Variants in KCNIP4 observed in about 807,000 individuals in gnomAD.
The protein encoded by KCNIP4 is Kv channel-interacting protein 4.
KCNIP4 carries 12 observed loss-of-function variants against 34.0 expected under a neutral mutation model. The observed-to-expected ratio is 0.35, with a 90% CI of 0.23 to 0.57. The LOEUF (loss-of-function observed/expected upper bound fraction) is 0.57, where lower values mean the gene tolerates loss of function less well. Ranked by LOEUF, KCNIP4 falls within the 20% of genes least tolerant of loss-of-function variation. The pLI is 0.83. For synonymous variants in KCNIP4, 124 were observed against 102.2 expected, an observed-to-expected ratio of 1.21 and a Z score of -1.29; for missense variants, 238 against 311.7, an observed-to-expected ratio of 0.76 and a Z score of 1.78.
intron 1 of KCNIP4, among the ~76,000 whole-genome samples, chr4:21,095,525 A>G (rs1461233857): frequency 6.6e-6 from 1 of 152,224 alleles, no homozygotes; most frequent in Non-Finnish European, 1.5e-5. Context: ...GTAGAATTCA[A>G]TAAAATTAGT....
chr4:21,395,928 C>T (rs1288928177), intron 1 of KCNIP4, among the ~76,000 whole-genome samples: 1 of 151,986 alleles, frequency 6.6e-6, no homozygotes, highest in South Asian at 2.1e-4. Context: ...AAATTGATCT[C>T]AAATAGAAAA....
chr4:21,397,239 A>T (rs147832907), intron 1 of KCNIP4, among the ~76,000 whole-genome samples: 1 of 152,362 alleles, frequency 6.6e-6, no homozygotes, highest in African/African-American at 2.4e-5. Flanking sequence ...GCAAGGTGAC[A>T]AATTCTGGAA....
chr4:21,306,275 C>T (rs1056778304), intron 1 of KCNIP4, among the ~76,000 whole-genome samples: 2 of 152,212 alleles, frequency 1.3e-5, no homozygotes, highest in South Asian at 2.1e-4. Flanking sequence ...CATTATCCAA[C>T]AGGGCTTTAA....
At chr4:21,343,507 C>T (rs935725811) in intron 1 of KCNIP4, among the ~76,000 whole-genome samples, 3 of 152,086 alleles carry the variant, frequency 2.0e-5, no homozygotes, top group Non-Finnish European at 2.9e-5. Flanking sequence ...AGTAAAATAG[C>T]TTCTATCATG....
At chr4:21,120,192 C>A (rs529586428) in intron 1 of KCNIP4, among the ~76,000 whole-genome samples, 2 of 131,606 alleles carry the variant, frequency 1.5e-5, no homozygotes, top group African/African-American at 5.9e-5. Context: ...AAAGTCCTTA[C>A]GAAGAAACAA....
intron 2 of KCNIP4, among the ~76,000 whole-genome samples, chr4:20,852,589 C>G (rs1469424781): frequency 6.6e-6 from 1 of 152,080 alleles, no homozygotes; most frequent in African/African-American, 2.4e-5. Flanking sequence ...CCACTCTCAC[C>G]ACTCCTCTTC....
At chr4:21,217,696 G>C (rs1312890360) in intron 1 of KCNIP4, among the ~76,000 whole-genome samples, 1 of 152,092 alleles carries the variant, frequency 6.6e-6, no homozygotes, top group Non-Finnish European at 1.5e-5. Flanking sequence ...ACAAGGCAAA[G>C]AGCAATAAAA....
At position 20,861,648 on chromosome 4, in the gene KCNIP4, G is replaced by A. The variant is rs114500271; in HGVS notation, c.164-10981C>T. 4.1e-3 allele frequency among the ~76,000 whole-genome samples: 620 copies of A among 152,136 alleles called. 6 individuals are homozygous for A. Among genetic ancestry groups the A allele is most frequent in the African/African-American group, 0.014 (568 of 41,498 alleles). On this transcript the variant is annotated intron_variant, in intron 2 of 8. Transcript: ENST00000382152. ...TCATATTGAAAATGAACAGTTCTTG[G>A]AAAATGGCCATTTAGTTTGAACATC...
At chr4:21,400,429 C>T (rs956883792) in intron 1 of KCNIP4, among the ~76,000 whole-genome samples, 1 of 147,566 alleles carries the variant, frequency 6.8e-6, no homozygotes, top group East Asian at 2.1e-4. Context: ...TCATTTCAAA[C>T]ACACGTCCTC....
intron 1 of KCNIP4, among the ~76,000 whole-genome samples, chr4:21,158,613 G>A (rs1160775032): frequency 6.6e-6 from 1 of 152,076 alleles, no homozygotes; most frequent in Non-Finnish European, 1.5e-5. Context: ...AACACTCTCA[G>A]CAAATCAAGA....
chr4:21,528,377 A>G (rs73252238), intron 1 of KCNIP4, among the ~76,000 whole-genome samples: 7,348 of 151,900 alleles, frequency 0.048, 254 homozygotes, highest in East Asian at 0.14. Context: ...CTCCATAGAA[A>G]CAGAAACTCA....
At chr4:21,844,796 T>C (rs1015059416) in intron 1 of KCNIP4, 2 of 152,054 alleles carry the variant, frequency 1.3e-5, no homozygotes, top group African/African-American at 4.8e-5. Context: ...ACATGTGTTC[T>C]ATGTTATGCT....
At chr4:20,861,422 A>G (rs757557222) in intron 2 of KCNIP4, among the ~76,000 whole-genome samples, 2 of 152,126 alleles carry the variant, frequency 1.3e-5, no homozygotes, top group Non-Finnish European at 2.9e-5. Context: ...GAGAGCAGTC[A>G]ATCCATTTGA....
rs1425313994 is a variant in KCNIP4 at position 21,370,842 on chromosome 4, TATATATATACACACACAC to T, written c.62-488151_62-488134del. On this transcript the variant is annotated intron_variant, in intron 1 of 8. Transcript: ENST00000382152. ...ATATATATATATATATATATATATA[TATATATATACACACACAC>T]ACACACACACACACACACACACGTG... is the stretch of plus-strand genomic sequence containing the variant. Among the ~76,000 whole-genome samples, 11 of 27,232 alleles carry T rather than the reference TATATATATACACACACAC, an allele frequency of 4.0e-4. No homozygotes were observed. In the East Asian group the frequency reaches 0.014, roughly 35 times the overall value. 17.9% of individuals were successfully genotyped at this position (27,232 alleles called of 152,430 possible).
At chr4:21,286,183 T>C (rs1763109586) in intron 1 of KCNIP4, among the ~76,000 whole-genome samples, 1 of 152,208 alleles carries the variant, frequency 6.6e-6, no homozygotes, top group South Asian at 2.1e-4. Context: ...CTATCAACTT[T>C]CAAATAAGTA....
intron 1 of KCNIP4, among the ~76,000 whole-genome samples, chr4:21,155,399 A>C (rs1753069958): frequency 6.6e-6 from 1 of 152,226 alleles, no homozygotes; most frequent in South Asian, 2.1e-4. Flanking sequence ...AAATAGGAGA[A>C]AATTTCAAGG....
At chr4:21,872,240 C>T (rs1045639754) in intron 1 of KCNIP4, among the ~76,000 whole-genome samples, 2 of 152,132 alleles carry the variant, frequency 1.3e-5, no homozygotes, top group African/African-American at 4.8e-5. Flanking sequence ...ACAAAATTCC[C>T]TCCAACCCAC....
At chr4:21,314,678 T>C (rs1285255710) in intron 1 of KCNIP4, among the ~76,000 whole-genome samples, 1 of 152,220 alleles carries the variant, frequency 6.6e-6, no homozygotes, top group African/African-American at 2.4e-5. Context: ...TCCTGGAGTG[T>C]AAGCTCTCTA....
chr4:21,221,572 A>G (rs1281521798), intron 1 of KCNIP4, among the ~76,000 whole-genome samples: 1 of 152,076 alleles, frequency 6.6e-6, no homozygotes, highest in Non-Finnish European at 1.5e-5. Context: ...AGCACAGGGG[A>G]ACCGCACCCA....
Sources: allele counts gnomAD v4.1 joint callset (sites outside exome capture counted in the v4.1 genomes callset), GRCh38; gene constraint gnomAD v4.1.1; transcripts MANE v1.5; gene names NCBI Gene and HGNC (gene_info 2026-07-23, HGNC 2026-07-21).